Variants in F13A1 observed in about 807,000 individuals in gnomAD.
The protein encoded by F13A1 is coagulation factor XIII A chain.
F13A1 carries 47 observed loss-of-function variants against 80.1 expected under a neutral mutation model. The ratio of observed to expected loss-of-function variants is 0.59; its 90% CI spans 0.46 to 0.75. F13A1 has a LOEUF of 0.75. Ranked by LOEUF, F13A1 falls within the 30% of genes least tolerant of loss-of-function variation. The pLI is 0.00. For missense variants in F13A1, 817 were observed against 930.4 expected (o/e 0.88, Z 1.59); for synonymous variants, 349 against 344.9 (o/e 1.01, Z -0.13).
intron 2 of F13A1, 38 bp downstream of exon 2, chr6:6,318,497 T>A: frequency 6.3e-7 from 1 of 1,595,416 alleles, no homozygotes. Flanking sequence ...CGGCTGTGCC[T>A]GGACCCAGAG....
chr6:6,197,594 C>A (rs1024336203), intron 8 of F13A1, among the ~76,000 whole-genome samples: 1 of 151,832 alleles, frequency 6.6e-6, no homozygotes, highest in Non-Finnish European at 1.5e-5. Flanking sequence ...AGGAGAATCG[C>A]TTGAATCTGG....
Position 6,155,776 on chromosome 6 carries a change from G to T in F13A1, c.1909-3827C>A, listed in dbSNP as rs138998443. ...GATTTCAGTGATGCACCATGCTATG[G>T]TACCTACAAAATGCTGAGAACAATG... On this transcript the variant is annotated intron_variant, in intron 13 of 14. Transcript: ENST00000264870. 4.6e-3 allele frequency among the ~76,000 whole-genome samples: 700 copies of T among 152,230 alleles called. 4 individuals carry two copies. The highest frequency in any genetic ancestry group is 0.016 in the African/African-American group (666 of 41,516).
intron 8 of F13A1, among the ~76,000 whole-genome samples, chr6:6,212,750 A>G (rs924497969): frequency 1.3e-5 from 2 of 152,230 alleles, no homozygotes; most frequent in African/African-American, 4.8e-5. Context: ...GAGGACATTC[A>G]AACCAAAGGC....
chr6:6,172,869 A>C (rs1760801320), intron 12 of F13A1, among the ~76,000 whole-genome samples: 1 of 152,168 alleles, frequency 6.6e-6, no homozygotes, highest in Admixed American at 6.5e-5. Flanking sequence ...TTTTCTGGGA[A>C]TATTTTCCAA....
chr6:6,248,347 T>G lies in F13A1; in HGVS notation c.763A>C (p.Asn255His). ...CCCACACGGCTGACTTTGATGGGATTCCCTCTTCCAGAGAGGTCCATTTGT... is the reference window on the plus strand; with the variant it reads ...CCCACACGGCTGACTTTGATGGGATGCCCTCTTCCAGAGAGGTCCATTTGT... ...RAQMDLSGRG[N>H]PIKVSRVGSA... The change falls in exon 6 of 15, where the codon AAT becomes CAT. Residue 255 changes from asparagine to histidine, a missense_variant. Coordinates refer to ENST00000264870, the MANE Select transcript of F13A1 (RefSeq NM_000129.4). 1 of 1,613,916 alleles carries G rather than the reference T, an allele frequency of 6.2e-7. No homozygotes were observed. The highest frequency in any genetic ancestry group is 8.5e-7 in the Non-Finnish European group (1 of 1,179,872).
At chr6:6,236,921 A>G (rs1757421216) in intron 6 of F13A1, among the ~76,000 whole-genome samples, 3 of 152,158 alleles carry the variant, frequency 2.0e-5, no homozygotes, top group Admixed American at 2.0e-4. Context: ...CCCCAGCTAC[A>G]GTGTGGTGGT....
At chr6:6,168,297 A>T (rs1253485802) in intron 12 of F13A1, among the ~76,000 whole-genome samples, 2 of 152,216 alleles carry the variant, frequency 1.3e-5, no homozygotes, top group East Asian at 3.8e-4. Flanking sequence ...GGTCCTGGGG[A>T]CAAGCCAATG....
At chr6:6,246,139 AAG>A (rs1469634305) in intron 6 of F13A1, among the ~76,000 whole-genome samples, 1 of 152,210 alleles carries the variant, frequency 6.6e-6, no homozygotes, top group Non-Finnish European at 1.5e-5. Flanking sequence ...GAGAAATTTA[AAG>A]ATTTTTTTTG....
rs569013348 is a variant in F13A1, at chr6:6,194,022, C to T, written c.1305+1775G>A. Among the ~76,000 whole-genome samples, 28 of 152,256 alleles carry T rather than the reference C, an allele frequency of 1.8e-4. No homozygotes were observed. In the South Asian group the frequency reaches 3.3e-3, roughly 18 times the overall value. On this transcript the variant is annotated intron_variant, in intron 10 of 14. Coordinates refer to ENST00000264870, the MANE Select transcript of F13A1 (RefSeq NM_000129.4). ...ATCTTGCTGTCTGAATTTTGATGTT[C>T]GTTTTGCTTTCTAAATATTAACATT...
At chr6:6,292,203 C>A (rs1242597493) in intron 3 of F13A1, among the ~76,000 whole-genome samples, 1 of 152,202 alleles carries the variant, frequency 6.6e-6, no homozygotes, top group Non-Finnish European at 1.5e-5. Flanking sequence ...AGCAACAGTG[C>A]CAATGAGTTA....
At chr6:6,175,919 C>G (rs761020063) in intron 11 of F13A1, among the ~76,000 whole-genome samples, 7 of 152,222 alleles carry the variant, frequency 4.6e-5, no homozygotes, top group Non-Finnish European at 1.0e-4. Flanking sequence ...AATACAGATA[C>G]AAGTCAGGCC....
intron 6 of F13A1, among the ~76,000 whole-genome samples, chr6:6,226,153 T>A (rs1757273112): frequency 6.6e-6 from 1 of 152,188 alleles, no homozygotes; most frequent in Non-Finnish European, 1.5e-5. Context: ...TGGTGTAACG[T>A]TGATCATGTT....
chr6:6,161,753 T>C (rs938720381), intron 13 of F13A1, among the ~76,000 whole-genome samples: 3 of 152,132 alleles, frequency 2.0e-5, no homozygotes, highest in East Asian at 1.9e-4. Context: ...GACTCACACA[T>C]GGTGGGTGCT....
At chr6:6,289,126 G>C (rs1299089218) in intron 3 of F13A1, among the ~76,000 whole-genome samples, 3 of 152,094 alleles carry the variant, frequency 2.0e-5, no homozygotes, top group African/African-American at 4.8e-5. Context: ...CCCATAAATG[G>C]CTGTTTAAAA....
chr6:6,320,643 G>T lies in F13A1; in HGVS notation c.-75C>A, dbSNP rs768758315. 2 of 470,326 alleles carry T rather than the reference G, an allele frequency of 4.3e-6. No homozygotes were observed. Among genetic ancestry groups the T allele is most frequent in the East Asian group, 1.4e-4 (2 of 14,392 alleles). 29.1% of individuals were successfully genotyped at this position (470,326 alleles called of 1,614,324 possible). On this transcript the variant is annotated 5_prime_UTR_variant, in exon 1 of 15. Coordinates refer to ENST00000264870, the MANE Select transcript of F13A1 (RefSeq NM_000129.4). ...CGTGGGCTTGCTCTGTGCGCCTCGG[G>T]GACTTCCTCAAACGGACTCGGGAAA...
At chr6:6,266,505 C>A in intron 4 of F13A1, 53 bp downstream of exon 4, 1 of 1,613,998 alleles carries the variant, frequency 6.2e-7, no homozygotes, top group South Asian at 1.1e-5. Context: ...TGCCATGGCA[C>A]CCCGCCAAAT....
intron 3 of F13A1, among the ~76,000 whole-genome samples, chr6:6,267,948 A>G (rs1757868420): frequency 6.6e-6 from 1 of 152,242 alleles, no homozygotes; most frequent in South Asian, 2.1e-4. Context: ...GAACATGGAA[A>G]GAATGAAGAC....
chr6:6,188,282 T>G (rs1761117591), intron 10 of F13A1, among the ~76,000 whole-genome samples: 2 of 151,486 alleles, frequency 1.3e-5, no homozygotes, highest in African/African-American at 2.4e-5. Flanking sequence ...ATGTGTTTGC[T>G]CTTGCTTTTC....
intron 4 of F13A1, among the ~76,000 whole-genome samples, chr6:6,253,160 AAAAGAG>A (rs1458580622): frequency 3.5e-4 from 47 of 133,502 alleles, no homozygotes; most frequent in African/African-American, 1.5e-3. Flanking sequence ...AAAAAAAAAA[AAAAGAG>A]AGAGAGAGAG....
Sources: allele counts gnomAD v4.1 joint callset (sites outside exome capture counted in the v4.1 genomes callset), GRCh38; gene constraint gnomAD v4.1.1; transcripts MANE v1.5; gene names NCBI Gene and HGNC (gene_info 2026-07-23, HGNC 2026-07-21).